The following EML6 variants were observed in gnomAD, a reference collection of about 807,000 sequenced individuals.
EML6 encodes the protein echinoderm microtubule-associated protein-like 6.
Under a neutral mutation model 240.1 loss-of-function variants are expected in EML6, and 154 were observed. That is an observed-to-expected ratio of 0.64 (90% CI 0.56 to 0.73). EML6 has a LOEUF of 0.73. EML6 is among the 30% of genes least tolerant of loss of function. The pLI is 0.00. For synonymous variants in EML6, 1,148 were observed against 899.0 expected (o/e 1.28, Z -4.95); for missense variants, 2,964 against 2,474.6 (o/e 1.20, Z -4.20).
At chr2:54,836,042 G>T (rs1572974893) in intron 7 of EML6, among the ~76,000 whole-genome samples, 1 of 152,124 alleles carries the variant, frequency 6.6e-6, no homozygotes, top group East Asian at 1.9e-4. Context: ...CTCCCTGTGT[G>T]CCCACCATTT....
chr2:54,885,886 C>G (rs1397221852), intron 17 of EML6, among the ~76,000 whole-genome samples: 3 of 152,164 alleles, frequency 2.0e-5, no homozygotes, highest in East Asian at 3.9e-4. Flanking sequence ...GCTGAGATTA[C>G]AGGCGTGAGC....
chr2:54,763,166 A>T (rs1668050186), intron 2 of EML6, among the ~76,000 whole-genome samples: 1 of 152,206 alleles, frequency 6.6e-6, no homozygotes, highest in Non-Finnish European at 1.5e-5. Context: ...AGGATTGTAT[A>T]CCCATCGAGT....
At chr2:54,966,348 A>C (rs1211076056) in intron 38 of EML6, among the ~76,000 whole-genome samples, 1 of 152,240 alleles carries the variant, frequency 6.6e-6, no homozygotes, top group Non-Finnish European at 1.5e-5. Flanking sequence ...CTGAGGCAGG[A>C]AAGAGCTCAG....
intron 2 of EML6, among the ~76,000 whole-genome samples, chr2:54,803,551 A>G (rs1054761434): frequency 1.3e-5 from 2 of 152,126 alleles, no homozygotes; most frequent in African/African-American, 2.4e-5. Flanking sequence ...TGAAGTGATT[A>G]TCTTAAAGTT....
chr2:54,877,773 C>T (rs963447104), intron 16 of EML6, among the ~76,000 whole-genome samples: 1 of 152,240 alleles, frequency 6.6e-6, no homozygotes, highest in Non-Finnish European at 1.5e-5. Context: ...TCTAATACTA[C>T]AGCCTAGTAG....
Position 54,796,476 on chromosome 2 carries a change from T to C in EML6, c.198-16756T>C, listed in dbSNP as rs529436290. Among the ~76,000 whole-genome samples, 46 of 151,866 alleles carry C rather than the reference T, an allele frequency of 3.0e-4. No individual in the cohort carries two copies. In the South Asian group the frequency reaches 5.4e-3, roughly 18 times the overall value. ...GAAGTGTATTGAGTAAAGTGAGCGC[T>C]TTTTTGTTTTGGTAAGTTTTTTTTT... On this transcript the variant is annotated intron_variant, in intron 2 of 41. Coordinates refer to ENST00000356458, the MANE Select transcript of EML6 (RefSeq NM_001039753.4).
At chr2:54,751,747 C>T (rs142595333) in intron 2 of EML6, among the ~76,000 whole-genome samples, 230 of 152,180 alleles carry the variant, frequency 1.5e-3, no homozygotes, top group African/African-American at 5.3e-3. Context: ...CTTGGTTGAC[C>T]GTGCAAGGTT....
At chr2:54,785,970 C>A (rs1669064859) in intron 2 of EML6, among the ~76,000 whole-genome samples, 1 of 151,094 alleles carries the variant, frequency 6.6e-6, no homozygotes, top group South Asian at 2.1e-4. Flanking sequence ...TGTGTGTGTG[C>A]AATTTAGGGC....
chr2:54,828,660 C>T (rs945667739), intron 6 of EML6, among the ~76,000 whole-genome samples: 1 of 152,172 alleles, frequency 6.6e-6, no homozygotes, highest in African/African-American at 2.4e-5. Context: ...CAGTATTTGT[C>T]CTCATTCACA....
intron 5 of EML6, among the ~76,000 whole-genome samples, chr2:54,822,475 C>G (rs1043740746): frequency 1.3e-5 from 2 of 152,082 alleles, no homozygotes; most frequent in Non-Finnish European, 1.5e-5. Flanking sequence ...AATAGAAGAT[C>G]TGAAATAAAC....
intron 2 of EML6, among the ~76,000 whole-genome samples, chr2:54,797,188 A>AAAAAAAAAAAAAAAAAAAAAAAAAAT (rs1392923457): frequency 6.7e-6 from 1 of 149,350 alleles, no homozygotes; most frequent in Non-Finnish European, 1.5e-5. Flanking sequence ...AAAAAAAAAA[A>AAAAAAAAAAAAAAAAAAAAAAAAAAT]ACTGTGATCT....
rs556838488 is a variant in EML6, at chr2:54,773,426, C to T, written c.198-39806C>T. 2.7e-4 allele frequency among the ~76,000 whole-genome samples: 41 copies of T among 152,334 alleles called. 1 individual carries two copies. Among genetic ancestry groups the T allele is most frequent in the African/African-American group, 7.9e-4 (33 of 41,576 alleles). ...ACTGTCAAATTGCTTATCTCAGATC[C>T]GTAACTGAGCCCAGTCTTCCCCTCC... is the stretch of plus-strand genomic sequence containing the variant. On this transcript the variant is annotated intron_variant, in intron 2 of 41. Coordinates refer to ENST00000356458, the MANE Select transcript of EML6 (RefSeq NM_001039753.4).
chr2:54,805,915 C>T (rs1047449399), intron 2 of EML6, among the ~76,000 whole-genome samples: 1 of 152,124 alleles, frequency 6.6e-6, no homozygotes, highest in Admixed American at 6.5e-5. Context: ...ATCCTTTCCC[C>T]TGATGAGTTA....
intron 16 of EML6, among the ~76,000 whole-genome samples, chr2:54,874,565 G>A (rs951109214): frequency 1.3e-5 from 2 of 152,178 alleles, no homozygotes; most frequent in African/African-American, 4.8e-5. Flanking sequence ...TACAGGTTAA[G>A]TAGTATGTCA....
intron 24 of EML6, 50 bp downstream of exon 24, chr2:54,903,552 T>G (rs896379131): frequency 1.7e-5 from 25 of 1,500,812 alleles, no homozygotes; most frequent in Non-Finnish European, 2.2e-5. Context: ...TTAAAAAATG[T>G]CCATTTATGC....
At chr2:54,867,529 G>A (rs1340027447) in intron 14 of EML6, 2 of 152,232 alleles carry the variant, frequency 1.3e-5, no homozygotes, top group African/African-American at 4.8e-5. Flanking sequence ...CCCTTTGGGA[G>A]GCTGAGGCAG....
Position 54,820,429 on chromosome 2 carries a change from C to G in EML6, c.492C>G (p.Asn164Lys). ...TTTCCTGGGATCCATATCAGCCAAA[C>G]AGAGTGGTTAGCTGTGGAGTAAAAC... is the stretch of plus-strand genomic sequence containing the variant. ...FDISWDPYQP[N>K]RVVSCGVKHI... The change falls in exon 5 of 42, where the codon AAC (asparagine) becomes AAG (lysine). Residue 164 changes from asparagine (N) to lysine (K), a missense_variant. By Grantham distance (94) the Asn-to-Lys change is moderately conservative. Coordinates refer to ENST00000356458, the MANE Select transcript of EML6 (RefSeq NM_001039753.4). 2.6e-6 allele frequency: 4 copies of G among 1,550,428 alleles called. No homozygotes were observed. Among genetic ancestry groups the G allele is most frequent in the Non-Finnish European group, 2.6e-6 (3 of 1,145,968 alleles).
chr2:54,818,500 A>C (rs2104090573), intron 4 of EML6, among the ~76,000 whole-genome samples: 1 of 152,338 alleles, frequency 6.6e-6, no homozygotes, highest in East Asian at 1.9e-4. Context: ...CCTGTACCTC[A>C]GTTCATTTTC....
At chr2:54,961,184 G>GTTGTTTTTTTTTTTGTTTTTTTTT in intron 35 of EML6, among the ~76,000 whole-genome samples, 2 of 55,424 alleles carry the variant, frequency 3.6e-5, no homozygotes, top group African/African-American at 8.1e-5. Flanking sequence ...TCAGGAAGTA[G>GTTGTTTTTTTTTTTGTTTTTTTTT]TTTTTTTTTT....
Sources: gnomAD v4.1 joint callset for allele counts (sites outside exome capture counted in the v4.1 genomes callset) on GRCh38, gnomAD v4.1.1 for gene constraint, MANE v1.5 for transcripts, NCBI Gene and HGNC (gene_info 2026-07-23, HGNC 2026-07-21) for gene names.